Variants in LHPP observed in about 807,000 individuals in gnomAD.
LHPP encodes the protein hLHPP.
In LHPP, 24 loss-of-function variants were observed where a neutral mutation model predicts 30.3. The ratio of observed to expected loss-of-function variants is 0.79; its 90% confidence interval spans 0.57 to 1.11. The LOEUF (loss-of-function observed/expected upper bound fraction) is 1.11, where lower values mean the gene tolerates loss of function less well. Ranked by LOEUF, LHPP falls within the 50% of genes most tolerant of loss-of-function variation. LHPP has a pLI of 0.00. For synonymous variants in LHPP, 150 were observed against 157.1 expected, an observed-to-expected ratio of 0.95 and a Z score of 0.34; for missense variants, 356 against 367.2, an observed-to-expected ratio of 0.97 and a Z score of 0.25.
chr10:124,555,887 C>T (rs1189872844), intron 6 of LHPP, among the ~76,000 whole-genome samples: 1 of 152,156 alleles, frequency 6.6e-6, no homozygotes, highest in East Asian at 1.9e-4. Flanking sequence ...GCACCCAAGT[C>T]CTCAGGCCAT....
chr10:124,495,670 T>A (rs1332441511), intron 3 of LHPP, among the ~76,000 whole-genome samples: 1 of 152,166 alleles, frequency 6.6e-6, no homozygotes. Flanking sequence ...CAGAACACAT[T>A]TCAGCCCCCA....
intron 3 of LHPP, among the ~76,000 whole-genome samples, chr10:124,494,084 A>G (rs1438335401): frequency 6.6e-6 from 1 of 152,226 alleles, no homozygotes; most frequent in Non-Finnish European, 1.5e-5. Flanking sequence ...ATTAGCATGC[A>G]AAGACAAGGT....
Position 124,528,631 on chromosome 10 carries a change from T to G in LHPP, c.716+11360T>G, listed in dbSNP as rs867806407. Among the ~76,000 whole-genome samples the G allele has an allele frequency of 2.0e-5, 3 of 152,112 alleles. No individual in the cohort carries two copies. The Middle Eastern group carries it at 0.01, about 517-fold the overall frequency. ...ACCTCAGCCTCCTAAAGTGCTGGGA[T>G]TAGAGGCGTGAGCCACAGTGCCTGG... On this transcript the variant is annotated intron_variant, in intron 6 of 6. Coordinates refer to ENST00000368842, the MANE Select transcript of LHPP (RefSeq NM_022126.4).
chr10:124,589,157 A>G (rs928541093), intron 6 of LHPP, among the ~76,000 whole-genome samples: 1 of 152,238 alleles, frequency 6.6e-6, no homozygotes, highest in African/African-American at 2.4e-5. Context: ...CAAGGTTTAC[A>G]GGCAGCCTTG....
chr10:124,522,340 C>T (rs935750819), intron 6 of LHPP, among the ~76,000 whole-genome samples: 3 of 152,180 alleles, frequency 2.0e-5, no homozygotes, highest in Admixed American at 6.5e-5. Flanking sequence ...CCAGACTCCT[C>T]GAGGTCCCAT....
intron 6 of LHPP, among the ~76,000 whole-genome samples, chr10:124,555,197 G>A (rs1047548363): frequency 1.3e-5 from 2 of 152,216 alleles, no homozygotes; most frequent in Non-Finnish European, 1.5e-5. Context: ...GATGGGTGAG[G>A]GGTGAGTGTG....
intron 6 of LHPP, among the ~76,000 whole-genome samples, chr10:124,582,855 A>G (rs1013069727): frequency 8.6e-5 from 13 of 151,332 alleles, no homozygotes; most frequent in Admixed American, 5.9e-4. Flanking sequence ...AAAAAAAAAA[A>G]GAAGAAGAAA....
Position 124,485,757 on chromosome 10 carries a change from C to T in LHPP, c.313+1431C>T, listed in dbSNP as rs138589254. Among the ~76,000 whole-genome samples the T allele has an allele frequency of 6.0e-4, 92 of 152,156 alleles. No homozygotes were observed. In the East Asian group the frequency reaches 8.1e-3, roughly 13 times the overall value. On this transcript the variant is annotated intron_variant, in intron 2 of 6. Coordinates refer to ENST00000368842, the MANE Select transcript of LHPP (RefSeq NM_022126.4). Reference sequence around the variant, plus strand: ...CTGGGGTTACAGGTGTGTGCCACCACGCCCGCCTAATTTTTGTATTTTTAG... The same window carrying T: ...CTGGGGTTACAGGTGTGTGCCACCATGCCCGCCTAATTTTTGTATTTTTAG...
At chr10:124,569,043 T>C (rs1475417782) in intron 6 of LHPP, among the ~76,000 whole-genome samples, 1 of 152,034 alleles carries the variant, frequency 6.6e-6, no homozygotes, top group East Asian at 1.9e-4. Flanking sequence ...CTGCTGGTAA[T>C]GGGGGTGAGG....
chr10:124,582,126 G>C (rs551286414), intron 6 of LHPP, among the ~76,000 whole-genome samples: 3 of 152,198 alleles, frequency 2.0e-5, no homozygotes, highest in African/African-American at 7.2e-5. Flanking sequence ...TGTCACCTAG[G>C]CTGGAGTGCA....
intron 6 of LHPP, among the ~76,000 whole-genome samples, chr10:124,548,861 T>C (rs1389330171): frequency 6.6e-6 from 1 of 152,248 alleles, no homozygotes; most frequent in East Asian, 1.9e-4. Context: ...AGGCTAGCTC[T>C]TTCTGCTGTG....
intron 1 of LHPP, among the ~76,000 whole-genome samples, chr10:124,475,130 C>T (rs1952902178): frequency 6.6e-6 from 1 of 150,520 alleles, no homozygotes; most frequent in Non-Finnish European, 1.5e-5. Context: ...TCTAGTGATT[C>T]TCCTGCCTCA....
At chr10:124,571,242 T>G (rs979994416) in intron 6 of LHPP, among the ~76,000 whole-genome samples, 1 of 152,258 alleles carries the variant, frequency 6.6e-6, no homozygotes, top group Admixed American at 6.5e-5. Flanking sequence ...TTCCACTTTT[T>G]GGCTATTGGG....
chr10:124,603,454 C>T (rs1949053596), intron 6 of LHPP, among the ~76,000 whole-genome samples: 1 of 152,186 alleles, frequency 6.6e-6, no homozygotes, highest in Non-Finnish European at 1.5e-5. Context: ...CAAGGGAGGT[C>T]CCAGCCAGGG....
rs1321627136 is a variant in LHPP, at chr10:124,484,386, G to A, written c.313+60G>A. 4 of 1,514,732 alleles carry A rather than the reference G, an allele frequency of 2.6e-6. No individual in the cohort carries two copies. In the East Asian group the frequency reaches 9.1e-5, roughly 34 times the overall value. The allele number at this position is 1,514,732 out of a possible 1,614,324, so 93.8% of individuals were successfully genotyped here. Reference sequence around the variant, plus strand: ...GAAAGCTCCCCTTTCCCAGGGTGGGGGCTGTGCAGAGAGCCTCTTTCACTG... The same window carrying A: ...GAAAGCTCCCCTTTCCCAGGGTGGGAGCTGTGCAGAGAGCCTCTTTCACTG... On this transcript the variant is annotated intron_variant, in intron 2 of 6. Coordinates refer to ENST00000368842, the MANE Select transcript of LHPP (RefSeq NM_022126.4).
intron 6 of LHPP, among the ~76,000 whole-genome samples, chr10:124,518,509 C>T (rs1400298022): frequency 1.3e-5 from 2 of 152,242 alleles, no homozygotes; most frequent in South Asian, 2.1e-4. Context: ...TGGCGTCAGC[C>T]GTCAGGAGCC....
intron 6 of LHPP, among the ~76,000 whole-genome samples, chr10:124,551,514 A>G (rs889326986): frequency 2.0e-5 from 3 of 152,126 alleles, no homozygotes; most frequent in African/African-American, 7.2e-5. Context: ...ACCAGATCAC[A>G]GGACCCTCGG....
rs148122699 is a variant in LHPP at position 124,592,447 on chromosome 10, C to T, written c.717-20817C>T. Among the ~76,000 whole-genome samples the T allele has an allele frequency of 3.9e-4, 60 of 152,294 alleles. No individual in the cohort carries two copies. In the East Asian group the frequency reaches 8.9e-3, roughly 23 times the overall value. ...CATGATGAGACCCTGAGGTCACTGG[C>T]GGGGAAAATGAGTCACTGGGGCATT... On this transcript the variant is annotated intron_variant, in intron 6 of 6. Coordinates refer to ENST00000368842, the MANE Select transcript of LHPP (RefSeq NM_022126.4). The surrounding 1 kb of genome is among the most constrained non-coding windows in gnomAD (Gnocchi z 6.2).
chr10:124,506,087 A>G (rs1954056037), intron 5 of LHPP, among the ~76,000 whole-genome samples: 1 of 152,128 alleles, frequency 6.6e-6, no homozygotes, highest in Non-Finnish European at 1.5e-5. Context: ...CTACAAAAAA[A>G]TACAAAAATT....
Sources: gnomAD v4.1 joint callset for allele counts (sites outside exome capture counted in the v4.1 genomes callset) on GRCh38, gnomAD v4.1.1 for gene constraint, Gnocchi (gnomAD v3.1) non-coding constraint, MANE v1.5 for transcripts, NCBI Gene and HGNC (gene_info 2026-07-23, HGNC 2026-07-21) for gene names.